The following TAOK3 variants were observed in gnomAD, a reference collection of about 807,000 sequenced individuals.
The protein encoded by TAOK3 is serine/threonine-protein kinase TAO3.
TAOK3 carries 40 observed loss-of-function variants against 120.4 expected under a neutral mutation model. The ratio of observed to expected loss-of-function variants is 0.33; its 90% confidence interval spans 0.26 to 0.43. The LOEUF (loss-of-function observed/expected upper bound fraction) is 0.43, where lower values mean the gene tolerates loss of function less well. Ranked by LOEUF, TAOK3 falls within the 20% of genes least tolerant of loss-of-function variation. The probability of loss-of-function intolerance (pLI) is 1.00; values close to 1 mark genes in which losing one functional copy is unlikely to be tolerated. For missense variants in TAOK3, 821 were observed against 1,112.1 expected (o/e 0.74, Z 3.72); for synonymous variants, 355 against 387.5 (o/e 0.92, Z 0.99).
chr12:118,216,666 C>T (rs145858555), intron 9 of TAOK3, among the ~76,000 whole-genome samples: 2,773 of 152,142 alleles, frequency 0.018, 76 homozygotes, highest in East Asian at 0.068. Context: ...CGGTGGCTCA[C>T]GCCTGTAATT....
At chr12:118,281,681 G>A (rs2042103965) in intron 1 of TAOK3, among the ~76,000 whole-genome samples, 1 of 151,830 alleles carries the variant, frequency 6.6e-6, no homozygotes, top group South Asian at 2.1e-4. Flanking sequence ...ATACTCAGGA[G>A]GCTGAGGCTG....
At chr12:118,262,274 G>A (rs1384873473) in intron 2 of TAOK3, among the ~76,000 whole-genome samples, 3 of 152,034 alleles carry the variant, frequency 2.0e-5, no homozygotes, top group Non-Finnish European at 2.9e-5. Flanking sequence ...ACAAGGTCAG[G>A]AGTTCAAGAC....
chr12:118,330,609 T>TACCATTATA (rs1286242948), intron 1 of TAOK3, among the ~76,000 whole-genome samples: 2 of 151,980 alleles, frequency 1.3e-5, no homozygotes, highest in African/African-American at 4.8e-5. Context: ...GCAGCTCCTT[T>TACCATTATA]AGGTTACAAA....
At chr12:118,278,333 C>T (rs531473718) in intron 1 of TAOK3, among the ~76,000 whole-genome samples, 1 of 152,136 alleles carries the variant, frequency 6.6e-6, no homozygotes, top group African/African-American at 2.4e-5. Context: ...TCTGTGATTC[C>T]CTTCTTTGTA....
chr12:118,251,646 C>A (rs1465407701), intron 3 of TAOK3, among the ~76,000 whole-genome samples: 2 of 152,198 alleles, frequency 1.3e-5, no homozygotes, highest in African/African-American at 2.4e-5. Context: ...AACGCACACA[C>A]TCTAGCTAAA....
At chr12:118,335,259 A>C (rs2044320314) in intron 1 of TAOK3, among the ~76,000 whole-genome samples, 1 of 152,176 alleles carries the variant, frequency 6.6e-6, no homozygotes. Flanking sequence ...ATAAAAAAAG[A>C]AGAGATAAAT....
chr12:118,368,262 T>C (rs1436426865), intron 1 of TAOK3, among the ~76,000 whole-genome samples: 1 of 152,078 alleles, frequency 6.6e-6, no homozygotes, highest in Non-Finnish European at 1.5e-5. Context: ...GAGGGCGCTA[T>C]TTTGGATCAC....
chr12:118,274,747 A>G (rs919558430), intron 1 of TAOK3, among the ~76,000 whole-genome samples: 4 of 151,998 alleles, frequency 2.6e-5, no homozygotes, highest in Non-Finnish European at 4.4e-5. Context: ...TCGTGCCTCA[A>G]TGTCCCAAGT....
chr12:118,359,138 A>G (rs1446968644), intron 1 of TAOK3: 1 of 152,174 alleles, frequency 6.6e-6, no homozygotes, highest in Non-Finnish European at 1.5e-5. Flanking sequence ...TATTACAGAC[A>G]CTTAGTTTTT....
At chr12:118,166,693 A>G (rs1447253909) in intron 17 of TAOK3, among the ~76,000 whole-genome samples, 1 of 152,184 alleles carries the variant, frequency 6.6e-6, no homozygotes, top group Non-Finnish European at 1.5e-5. Flanking sequence ...CACTAGAGCC[A>G]CATCATGTGC....
intron 3 of TAOK3, chr12:118,246,279 T>C (rs1358653804): frequency 6.5e-7 from 1 of 1,537,792 alleles, no homozygotes; most frequent in African/African-American, 1.4e-5. Flanking sequence ...CGTCACCAAG[T>C]TGGGCCGCTT....
At chr12:118,319,055 T>C (rs529605413) in intron 1 of TAOK3, among the ~76,000 whole-genome samples, 6 of 152,340 alleles carry the variant, frequency 3.9e-5, no homozygotes, top group African/African-American at 1.4e-4. Context: ...ACAATGGTGC[T>C]TTCCAGGGGC....
Position 118,160,111 on chromosome 12 carries a change from C to T in TAOK3, c.2352+35G>A, listed in dbSNP as rs1170957672. The stretch of plus-strand genomic sequence containing the variant: ...TCTTGGATTTTCTTGATTCCCAAAG[C>T]TCTCGAAGCCGTGGCACCAAACCTA... On this transcript the variant is annotated intron_variant, in intron 19 of 20. Coordinates refer to ENST00000392533, the MANE Select transcript of TAOK3 (RefSeq NM_016281.4). The surrounding 1 kb of genome is among the most constrained non-coding windows in gnomAD (Gnocchi z 4.2). The T allele has an allele frequency of 6.6e-7, 1 of 1,514,374 alleles. No homozygotes were observed. The highest frequency in any genetic ancestry group is 1.7e-5 in the Admixed American group (1 of 59,628). The allele number at this position is 1,514,374 out of a possible 1,614,324, so 93.8% of individuals were successfully genotyped here. A position where few individuals can be genotyped will look rare whatever the true frequency, so the allele number is the denominator to read the frequency against.
chr12:118,167,791 C>T (rs953663461), intron 17 of TAOK3, among the ~76,000 whole-genome samples: 15 of 151,652 alleles, frequency 9.9e-5, no homozygotes, highest in Admixed American at 6.6e-5. Context: ...ATTTTAATCT[C>T]GAACAGAAAC....
intron 1 of TAOK3, among the ~76,000 whole-genome samples, chr12:118,347,659 A>T (rs1345112556): frequency 6.6e-6 from 1 of 151,792 alleles, no homozygotes; most frequent in Non-Finnish European, 1.5e-5. Flanking sequence ...GGCTTATCCT[A>T]CTTCTCTCAA....
chr12:118,318,261 G>A (rs1365678723), intron 1 of TAOK3, among the ~76,000 whole-genome samples: 1 of 151,260 alleles, frequency 6.6e-6, no homozygotes, highest in Non-Finnish European at 1.5e-5. Flanking sequence ...GGGTTCAAGC[G>A]ATTCTCCTGC....
rs1405566242 is a variant in TAOK3 at position 118,161,810 on chromosome 12, C to T, written c.2117G>A (p.Arg706Gln). 5 of 1,614,174 alleles carry T rather than the reference C, an allele frequency of 3.1e-6. No individual in the cohort carries two copies. The highest frequency in any genetic ancestry group is 4.2e-6 in the Non-Finnish European group (5 of 1,180,030). Residue 706 changes from arginine to glutamine, a missense_variant, in exon 18 of 21, where the codon CGG becomes CAG. Physicochemically the swap from Arg to Gln is conservative, Grantham distance 43. Coordinates refer to ENST00000392533, the MANE Select transcript of TAOK3 (RefSeq NM_016281.4). This position sits in a 1 kb window ranked among gnomAD's most constrained non-coding sequence, Gnocchi z 4.5. Reference protein sequence around the residue: ...ELHRKHVMELRQQPKNLKAME... With the variant: ...ELHRKHVMELQQQPKNLKAME... ...TACCTTTAAGTTTTTTGGCTGTTGCCGAAGTTCCATGACATGCTTTCTGTG... is the reference window on the plus strand; with the variant it reads ...TACCTTTAAGTTTTTTGGCTGTTGCTGAAGTTCCATGACATGCTTTCTGTG...
chr12:118,291,565 T>C (rs551207583), intron 1 of TAOK3, among the ~76,000 whole-genome samples: 10 of 152,224 alleles, frequency 6.6e-5, no homozygotes, highest in Non-Finnish European at 1.3e-4. Context: ...TACACTGTTT[T>C]ACTTAAAACT....
At chr12:118,268,504 CT>C (rs1276035654) in intron 1 of TAOK3, among the ~76,000 whole-genome samples, 1 of 152,170 alleles carries the variant, frequency 6.6e-6, no homozygotes, top group African/African-American at 2.4e-5. Context: ...ATTTCTGTTA[CT>C]CCTTCCGATT....
Sources: allele counts gnomAD v4.1 joint callset (sites outside exome capture counted in the v4.1 genomes callset), GRCh38; gene constraint gnomAD v4.1.1; non-coding constraint Gnocchi (gnomAD v3.1); transcripts MANE v1.5; gene names NCBI Gene and HGNC (gene_info 2026-07-23, HGNC 2026-07-21).